EPS8L3: variants seen among roughly 807,000 people sequenced by gnomAD.
EPS8L3 encodes epidermal growth factor receptor kinase substrate 8-like protein 3.
EPS8L3 carries 80 observed loss-of-function variants against 88.5 expected under a neutral mutation model. The observed-to-expected ratio is 0.90, with a 90% CI of 0.75 to 1.09. EPS8L3 has a LOEUF of 1.09. Ranked by LOEUF, EPS8L3 falls within the 50% of genes least tolerant of loss-of-function variation. The probability of loss-of-function intolerance (pLI) is 0.00; values close to 1 mark genes in which losing one functional copy is unlikely to be tolerated. For synonymous variants in EPS8L3, 286 were observed against 291.0 expected, an observed-to-expected ratio of 0.98 and a Z score of 0.18; for missense variants, 721 against 735.2, an observed-to-expected ratio of 0.98 and a Z score of 0.22.
intron 13 of EPS8L3, 52 bp downstream of exon 13, chr1:109,753,065 A>G: frequency 6.6e-7 from 1 of 1,503,852 alleles, no homozygotes; most frequent in East Asian, 2.3e-5. Context: ...GAGGGCAGAA[A>G]CTAGCCAGGG....
rs1570699494 is a variant in EPS8L3 at position 109,759,332 on chromosome 1, T to G, written c.311A>C (p.Asn104Thr). Reference sequence around the variant, plus strand: ...CAGGATGGAGTTGTAGGAACATGTGTTGAGCGCCACATTCATGGCCTGGAT... The same window carrying G: ...CAGGATGGAGTTGTAGGAACATGTGGTGAGCGCCACATTCATGGCCTGGAT... ...DSIQAMNVAL[N>T]TCSYNSILSI... The change falls in exon 5 of 19, where the codon AAC (asparagine) becomes ACC (threonine). Residue 104 changes from asparagine to threonine, a missense_variant. Asn to Thr is a moderately conservative substitution (Grantham distance 65, BLOSUM62 0). Transcript: ENST00000361965. The surrounding 1 kb of genome is among the most constrained non-coding windows in gnomAD (Gnocchi z 4.2). 6.2e-7 allele frequency: 1 copy of G among 1,614,124 alleles called. No individual in the cohort carries two copies.
At chr1:109,762,866 G>A (rs1442698855) in intron 1 of EPS8L3, among the ~76,000 whole-genome samples, 2 of 152,222 alleles carry the variant, frequency 1.3e-5, no homozygotes, top group East Asian at 3.8e-4. Context: ...TCTGCCGCTG[G>A]GCTGTGCGCA....
At chr1:109,758,711 G>A in intron 6 of EPS8L3, 48 bp from the exon 7 acceptor site, 2 of 1,517,654 alleles carry the variant, frequency 1.3e-6, no homozygotes, top group Non-Finnish European at 1.8e-6. Context: ...GTTCTTTGGA[G>A]AGAGGCCCTC....
chr1:109,760,097 A>C (rs1471397391), intron 3 of EPS8L3, among the ~76,000 whole-genome samples: 2 of 152,106 alleles, frequency 1.3e-5, no homozygotes, highest in Non-Finnish European at 2.9e-5. Context: ...AAGGACAGGC[A>C]TGGCCTTTAC....
intron 17 of EPS8L3, 23 bp downstream of exon 17, chr1:109,751,255 A>G: frequency 6.2e-7 from 1 of 1,609,910 alleles, no homozygotes; most frequent in Non-Finnish European, 8.5e-7. Flanking sequence ...CTCCCTCCAT[A>G]TCCTGTAGGG....
chr1:109,757,632 C>A, intron 10 of EPS8L3, 77 bp from the exon 11 acceptor site: 2 of 1,477,912 alleles, frequency 1.4e-6, no homozygotes, highest in Non-Finnish European at 1.9e-6. Context: ...TTGTTTTATG[C>A]CTTGGCTGGA....
Position 109,752,206 on chromosome 1 carries a change from G to A in EPS8L3, c.1236-13C>T, listed in dbSNP as rs776684922. 1 of 1,605,262 alleles carries A rather than the reference G, an allele frequency of 6.2e-7. No individual in the cohort carries two copies. Among genetic ancestry groups the A allele is most frequent in the Non-Finnish European group, 8.5e-7 (1 of 1,174,280 alleles). ...ATGACTTCCCCGCCTAAGAAACAGA[G>A]TCAGGATGGCTGGAGAATGGGGCCT... On this transcript the variant is annotated splice_polypyrimidine_tract_variant and intron_variant, in intron 14 of 18. Coordinates refer to ENST00000361965, the MANE Select transcript of EPS8L3 (RefSeq NM_133181.4).
rs778491585 is a variant in EPS8L3 at position 109,758,557 on chromosome 1, G to T, written c.568C>A (p.Pro190Thr). The change falls in exon 7 of 19, where the codon CCA (proline) becomes ACA (threonine). Residue 190 changes from proline to threonine, a missense_variant. Physicochemically the swap from Pro to Thr is conservative, Grantham distance 38 (BLOSUM62 -1). Transcript: ENST00000361965. ...AGGGTCCTCTGGTGGGGCTGTTCTG[G>T]AGGGATCCCCGGCTCCAGATAGCGT... ...QARYLEPGIPPEQPHQRTLEH... is the reference protein window; with the variant it reads ...QARYLEPGIPTEQPHQRTLEH... 3.7e-6 allele frequency: 6 copies of T among 1,612,456 alleles called. No homozygotes were observed. In the African/African-American group the frequency reaches 6.7e-5, roughly 18 times the overall value.
Position 109,757,480 on chromosome 1 carries a change from C to G in EPS8L3, c.969+1G>C, listed in dbSNP as rs1166627728. The G allele has an allele frequency of 1.2e-6, 2 of 1,613,594 alleles. No homozygotes were observed. Among genetic ancestry groups the G allele is most frequent in the East Asian group, 2.2e-5 (1 of 44,882 alleles). On this transcript the variant is annotated splice_donor_variant, in intron 11 of 18. Transcript: ENST00000361965. LOFTEE classifies it high-confidence loss of function. ...CACCACCCTGTCGTCCCTTGACTCA[C>G]GAAGTTCAGGGACTTGAAGAGGATG...
At chr1:109,755,355 C>T (rs1557992074) in intron 12 of EPS8L3, among the ~76,000 whole-genome samples, 1 of 152,058 alleles carries the variant, frequency 6.6e-6, no homozygotes, top group South Asian at 2.1e-4. Context: ...GAACGTATTG[C>T]CACTGAATTA....
At chr1:109,762,303 C>T (rs1427257279) in intron 1 of EPS8L3, among the ~76,000 whole-genome samples, 1 of 152,146 alleles carries the variant, frequency 6.6e-6, no homozygotes, top group African/African-American at 2.4e-5. Context: ...CTTATGGTGG[C>T]ACTGCAGGAC....
At chr1:109,754,755 CCT>C (rs1353200881) in intron 12 of EPS8L3, among the ~76,000 whole-genome samples, 1 of 152,078 alleles carries the variant, frequency 6.6e-6, no homozygotes, top group East Asian at 1.9e-4. Context: ...TATTGTAGAA[CCT>C]CTGTTTTCCT....
In EPS8L3 at chr1:109,750,320, G is replaced by T; in HGVS notation, c.*71C>A. On this transcript the variant is annotated 3_prime_UTR_variant, in exon 19 of 19. Coordinates refer to ENST00000361965, the MANE Select transcript of EPS8L3 (RefSeq NM_133181.4). Reference sequence around the variant, plus strand: ...GGGATCCAGAAGAGGAATTCTCGGGGCTCTAATGGGTATCAGATCTGCCAT... The same window carrying T: ...GGGATCCAGAAGAGGAATTCTCGGGTCTCTAATGGGTATCAGATCTGCCAT... 1 of 1,581,516 alleles carries T rather than the reference G, an allele frequency of 6.3e-7. No homozygotes were observed. Among genetic ancestry groups the T allele is most frequent in the East Asian group, 2.2e-5 (1 of 44,522 alleles).
chr1:109,759,695 G>A lies in EPS8L3; in HGVS notation c.238C>T (p.Leu80=). The A allele has an allele frequency of 6.2e-7, 1 of 1,613,846 alleles. No individual in the cohort carries two copies. The highest frequency in any genetic ancestry group is 8.5e-7 in the Non-Finnish European group (1 of 1,179,978). ...LQVRDGWLQL[L]DIETKEELDS... is the part of the protein sequence containing the mutation. ...AGGCTGACCTTGGTCTCAATGTCCAGCAGCTGCAGCCAGCCGTCCCTGACC... is the reference window on the plus strand; with the variant it reads ...AGGCTGACCTTGGTCTCAATGTCCAACAGCTGCAGCCAGCCGTCCCTGACC... The change falls in exon 4 of 19, where the codon CTG becomes TTG. Residue 80 remains leucine, a synonymous_variant. Transcript: ENST00000361965. The surrounding 1 kb of genome is among the most constrained non-coding windows in gnomAD (Gnocchi z 4.2).
Position 109,752,006 on chromosome 1 carries a change from C to T in EPS8L3, c.1423G>A (p.Glu475Lys), listed in dbSNP as rs1363135015. Residue 475 changes from glutamate to lysine, a missense_variant, in exon 15 of 19, where the codon GAG becomes AAG. By Grantham distance (56) the Glu-to-Lys change is moderately conservative (BLOSUM62 1). Transcript: ENST00000361965. ...GGCCCAAGCCTCACCTCCAGCTTCT[C>T]TCCCTGGACCACAGTCAGTTCCCGT... ...NPRELTVVQG[E>K]KLEVLDHSKR... 6.2e-7 allele frequency: 1 copy of T among 1,606,688 alleles called. No individual in the cohort carries two copies. The highest frequency in any genetic ancestry group is 8.5e-7 in the Non-Finnish European group (1 of 1,175,758).
At position 109,758,343 on chromosome 1, in the gene EPS8L3, AGAG is replaced by A. The variant is rs779335327; in HGVS notation, c.687_689del (p.Ser231del). On this transcript the variant is annotated inframe_deletion, in exon 8 of 19. Coordinates refer to ENST00000361965, the MANE Select transcript of EPS8L3 (RefSeq NM_133181.4). The stretch of plus-strand genomic sequence containing the variant: ...CGTCCCTCTCTGGGTCCTCGGGGGA[AGAG>A]GACCGCCTTGGAGGAGGCAGAGTAA... 6.2e-7 allele frequency: 1 copy of A among 1,613,632 alleles called. No homozygotes were observed. The highest frequency in any genetic ancestry group is 1.3e-5 in the African/African-American group (1 of 75,014).
At chr1:109,758,936 C>T in intron 6 of EPS8L3, 126 bp downstream of exon 6, 1 of 1,055,386 alleles carries the variant, frequency 9.5e-7, no homozygotes, top group Non-Finnish European at 1.4e-6. Context: ...GTCCTGGCTC[C>T]TCCTCAGTCC....
intron 17 of EPS8L3, 86 bp downstream of exon 17, chr1:109,751,192 A>G: frequency 8.5e-7 from 1 of 1,183,216 alleles, no homozygotes; most frequent in South Asian, 1.3e-5. Context: ...AATGTAGGCC[A>G]GGTTGTATGT....
At chr1:109,751,030 C>G (rs552510661) in intron 17 of EPS8L3, among the ~76,000 whole-genome samples, 2 of 152,288 alleles carry the variant, frequency 1.3e-5, no homozygotes, top group South Asian at 4.1e-4. Flanking sequence ...GGCGGCTAAG[C>G]TGGCAGCTGG....
Sources: allele counts gnomAD v4.1 joint callset (sites outside exome capture counted in the v4.1 genomes callset), GRCh38; gene constraint gnomAD v4.1.1; non-coding constraint Gnocchi (gnomAD v3.1); transcripts MANE v1.5; gene names NCBI Gene and HGNC (gene_info 2026-07-23, HGNC 2026-07-21).